TFIP11: variants seen among roughly 807,000 people sequenced by gnomAD.
TFIP11 encodes the protein tuftelin-interacting protein 11.
A neutral mutation model predicts 96.8 loss-of-function variants in TFIP11; 86 were observed. That is an observed-to-expected ratio of 0.89 (90% CI 0.75 to 1.06). The LOEUF (loss-of-function observed/expected upper bound fraction) is 1.06. Among genes scored for constraint, TFIP11 ranks in the 50% least tolerant of loss-of-function variants. The pLI is 0.00. For missense variants in TFIP11, 881 were observed against 1,076.7 expected (o/e 0.82, Z 2.54); for synonymous variants, 405 against 395.2 (o/e 1.02, Z -0.29).
intron 14 of TFIP11, 123 bp from the exon 15 acceptor site, chr22:26,492,491 G>T: frequency 1.2e-6 from 1 of 822,908 alleles, no homozygotes; most frequent in Non-Finnish European, 1.9e-6. Flanking sequence ...GGGCAGCTCT[G>T]CCTCAAAGAT....
chr22:26,498,997 T>C, intron 9 of TFIP11, 22 bp from the exon 10 acceptor site: 1 of 1,613,048 alleles, frequency 6.2e-7, no homozygotes, highest in South Asian at 1.1e-5. Flanking sequence ...GGTGAGCAGT[T>C]GAGGGGCAGC....
Position 26,494,295 on chromosome 22 carries a change from A to G in TFIP11, c.2002T>C (p.Ser668Pro), listed in dbSNP as rs1446808764. 2.5e-6 allele frequency: 4 copies of G among 1,614,132 alleles called. No individual in the cohort carries two copies. In the African/African-American group the frequency reaches 5.3e-5, roughly 22 times the overall value. ...FFPKWLQVLC[S>P]WLSNSPNYEE... ...TAATTTGGGCTGTTACTGAGCCAAG[A>G]GCACAGCACCTGCCAAAAAGAAAAA... The change falls in exon 14 of 15, where the codon TCT (serine) becomes CCT (proline). Residue 668 changes from serine (S) to proline (P), a missense_variant. Transcript: ENST00000407690.
intron 12 of TFIP11, 121 bp downstream of exon 12, chr22:26,495,952 G>C: frequency 7.2e-7 from 1 of 1,388,488 alleles, no homozygotes; most frequent in Non-Finnish European, 9.7e-7. Flanking sequence ...TCACAGCAAG[G>C]AATATTGTGT....
chr22:26,491,779 C>T lies in TFIP11; in HGVS notation c.*234G>A. 1.8e-6 allele frequency: 2 copies of T among 1,115,394 alleles called. No homozygotes were observed. Among genetic ancestry groups the T allele is most frequent in the Non-Finnish European group, 2.5e-6 (2 of 791,120 alleles). 69.1% of individuals were successfully genotyped at this position (1,115,394 alleles called of 1,614,324 possible). On this transcript the variant is annotated 3_prime_UTR_variant, in exon 15 of 15. Transcript: ENST00000407690. ...AGAGAACTCCTTTGCCAGGAAAGAA[C>T]ATCAACTTGGCTGTCCTGTTTTGAG...
intron 6 of TFIP11, 105 bp from the exon 7 acceptor site, chr22:26,503,898 A>G (rs2147140703): frequency 2.1e-6 from 3 of 1,423,392 alleles, no homozygotes; most frequent in Admixed American, 1.9e-5. Context: ...CTTCCACAAA[A>G]TAACATGCTA....
rs755018683 is a variant in TFIP11, at chr22:26,499,649, G to T, written c.802-18C>A. 6.3e-6 allele frequency: 10 copies of T among 1,592,240 alleles called. No homozygotes were observed. The highest frequency in any genetic ancestry group is 7.7e-6 in the Non-Finnish European group (9 of 1,169,116). On this transcript the variant is annotated intron_variant, in intron 8 of 14. Coordinates refer to ENST00000407690, the MANE Select transcript of TFIP11 (RefSeq NM_012143.4). The stretch of plus-strand genomic sequence containing the variant: ...TCTATGACCTTGGAAAACATAGAGG[G>T]ATGAAGGTTAACACCGCTGCAGCCC...
intron 2 of TFIP11, chr22:26,511,154 C>G (rs1003945811): frequency 6.6e-6 from 1 of 152,550 alleles, no homozygotes; most frequent in African/African-American, 2.4e-5. Flanking sequence ...TGTCTGCAGG[C>G]TGAGGAGCAA....
At chr22:26,509,952 T>G in intron 4 of TFIP11, 112 bp downstream of exon 4, 1 of 1,105,638 alleles carries the variant, frequency 9.0e-7, no homozygotes, top group Non-Finnish European at 1.3e-6. Context: ...CAGCTAACAG[T>G]CTCAACAAGG....
chr22:26,511,749 A>C (rs1050336413), intron 2 of TFIP11: 1 of 152,192 alleles, frequency 6.6e-6, no homozygotes, highest in Non-Finnish European at 1.5e-5. Flanking sequence ...AACTCTGGTC[A>C]CCTCTGGCAA....
intron 6 of TFIP11, among the ~76,000 whole-genome samples, chr22:26,504,238 G>C (rs530813677): frequency 2.0e-5 from 3 of 152,310 alleles, no homozygotes; most frequent in Admixed American, 1.3e-4. Context: ...TTACTTAGGA[G>C]TTCCTATCTC....
rs2037661960 is a variant in TFIP11, at chr22:26,503,918, G to C, written c.521-125C>G. ...ACAAAATAACATGCTACTCAGGAAG[G>C]AGAGCTATTCTCTGCCCTCAGAACA... On this transcript the variant is annotated intron_variant, in intron 6 of 14. Coordinates refer to ENST00000407690, the MANE Select transcript of TFIP11 (RefSeq NM_012143.4). The C allele has an allele frequency of 2.3e-6, 3 of 1,285,416 alleles. No individual in the cohort carries two copies. The African/African-American group carries it at 4.4e-5, about 19-fold the overall frequency. 79.6% of individuals were successfully genotyped at this position (1,285,416 alleles called of 1,614,324 possible). A position where few individuals can be genotyped will look rare whatever the true frequency, so the allele number is the denominator to read the frequency against.
At chr22:26,496,954 C>T in intron 10 of TFIP11, 65 bp from the exon 11 acceptor site, 3 of 1,553,084 alleles carry the variant, frequency 1.9e-6, no homozygotes, top group Non-Finnish European at 1.8e-6. Flanking sequence ...TACACCACCA[C>T]CACCTGCCTC....
chr22:26,505,390 A>G (rs1260147560), intron 6 of TFIP11, among the ~76,000 whole-genome samples: 1 of 151,808 alleles, frequency 6.6e-6, no homozygotes, highest in East Asian at 1.9e-4. Flanking sequence ...AGCTATTACA[A>G]AAACTATGCA....
intron 13 of TFIP11, 194 bp from the exon 14 acceptor site, chr22:26,494,498 G>T: frequency 1.4e-6 from 1 of 730,056 alleles, no homozygotes; most frequent in Non-Finnish European, 2.2e-6. Flanking sequence ...AAGTGCCCTT[G>T]CATGTAAACT....
chr22:26,497,933 A>G (rs1427237319), intron 10 of TFIP11, among the ~76,000 whole-genome samples: 1 of 152,090 alleles, frequency 6.6e-6, no homozygotes, highest in African/African-American at 2.4e-5. Context: ...ACAAATTTAC[A>G]GCAGCACAAT....
chr22:26,501,763 A>G lies in TFIP11; in HGVS notation c.801+137T>C, dbSNP rs998212330. 8.4e-5 allele frequency: 60 copies of G among 714,504 alleles called. No homozygotes were observed. In the African/African-American group the frequency reaches 1.0e-3, roughly 12 times the overall value. The allele number at this position is 714,504 out of a possible 1,614,324, so 44.3% of individuals were successfully genotyped here. A position where few individuals can be genotyped will look rare whatever the true frequency, so the allele number is the denominator to read the frequency against. On this transcript the variant is annotated intron_variant, in intron 8 of 14. Transcript: ENST00000407690. ...GTTCCTATTCATTACACTCCTATAA[A>G]TAAGTGAGAAAAGCAAGGTACCAAA...
intron 4 of TFIP11, among the ~76,000 whole-genome samples, chr22:26,509,759 G>A (rs974231940): frequency 6.6e-6 from 1 of 152,132 alleles, no homozygotes. Flanking sequence ...GGGAGGCTGA[G>A]GCACGGGAAT....
In TFIP11 at chr22:26,499,641, C is replaced by G; in HGVS notation, c.802-10G>C. On this transcript the variant is annotated splice_polypyrimidine_tract_variant and intron_variant, in intron 8 of 14. Coordinates refer to ENST00000407690, the MANE Select transcript of TFIP11 (RefSeq NM_012143.4). ...CTGTCATGTCTATGACCTTGGAAAA[C>G]ATAGAGGGATGAAGGTTAACACCGC... The G allele has an allele frequency of 6.3e-7, 1 of 1,598,246 alleles. No homozygotes were observed.
At position 26,499,242 on chromosome 22, in the gene TFIP11, C is replaced by T; in HGVS notation, c.1191G>A (p.Leu397=). 1 of 1,613,986 alleles carries T rather than the reference C, an allele frequency of 6.2e-7. No individual in the cohort carries two copies. Among genetic ancestry groups the T allele is most frequent in the Non-Finnish European group, 8.5e-7 (1 of 1,179,948 alleles). ...TTTCGAAGATGCGGGCACACTCGTCCAGGGTGAGGGGGTTGCTGCAGTCGG... is the reference window on the plus strand; with the variant it reads ...TTTCGAAGATGCGGGCACACTCGTCTAGGGTGAGGGGGTTGCTGCAGTCGG... The part of the protein sequence containing the change: ...MQPDCSNPLT[L]DECARIFETL... The change falls in exon 9 of 15, where the codon CTG becomes CTA. Residue 397 remains leucine (L), a synonymous_variant. Coordinates refer to ENST00000407690, the MANE Select transcript of TFIP11 (RefSeq NM_012143.4).
Sources: allele counts gnomAD v4.1 joint callset (sites outside exome capture counted in the v4.1 genomes callset), GRCh38; gene constraint gnomAD v4.1.1; transcripts MANE v1.5; gene names NCBI Gene and HGNC (gene_info 2026-07-23, HGNC 2026-07-21).